The following KAT2A variants were observed in gnomAD, a reference collection of about 807,000 sequenced individuals.
The protein encoded by KAT2A is lysine acetyltransferase 2A.
A neutral mutation model predicts 95.2 loss-of-function variants in KAT2A; 42 were observed. The ratio of observed to expected loss-of-function variants is 0.44; its 90% CI spans 0.34 to 0.57. The LOEUF (loss-of-function observed/expected upper bound fraction) is 0.57, where lower values mean the gene tolerates loss of function less well. KAT2A is among the 20% of genes least tolerant of loss of function. The probability of loss-of-function intolerance (pLI) is 0.01; values close to 1 mark genes in which losing one functional copy is unlikely to be tolerated. For synonymous variants in KAT2A, 449 were observed against 448.2 expected (o/e 1.00, Z -0.02); for missense variants, 784 against 1,126.3 (o/e 0.70, Z 4.35).
rs782371879 is a variant in KAT2A at position 42,114,642 on chromosome 17, CCAA to C, written c.2020-41_2020-39del. 18 of 1,556,494 alleles carry C rather than the reference CCAA, an allele frequency of 1.2e-5. No individual in the cohort carries two copies. Among genetic ancestry groups the C allele is most frequent in the East Asian group, 9.0e-5 (4 of 44,582 alleles). On this transcript the variant is annotated intron_variant, in intron 13 of 17. Coordinates refer to ENST00000225916, the MANE Select transcript of KAT2A (RefSeq NM_021078.3). This position sits in a 1 kb window ranked among gnomAD's most constrained non-coding sequence, Gnocchi z 6.0. ...AGGGACTGAGGGGCCAACTCCAGCC[CCAA>C]CAACAACCCCTCCCAGGGCCACAGT...
Position 42,119,440 on chromosome 17 carries a change from G to A in KAT2A, c.882-4C>T. On this transcript the variant is annotated splice_region_variant and splice_polypyrimidine_tract_variant and intron_variant, in intron 5 of 17. Transcript: ENST00000225916. This position sits in a 1 kb window ranked among gnomAD's most constrained non-coding sequence, Gnocchi z 5.3. ...CACGTGGCAGTAACAGAGCCATCTG[G>A]AGTAGGGGGTCGAGGGGGAGACAGG... 6.2e-7 allele frequency: 1 copy of A among 1,606,180 alleles called. No individual in the cohort carries two copies. Among genetic ancestry groups the A allele is most frequent in the Non-Finnish European group, 8.5e-7 (1 of 1,173,918 alleles).
chr17:42,116,911 GAACGGGCCGCTAACTAAGAGAAGAGC>G lies in KAT2A; in HGVS notation c.1764+98_1764+123del, dbSNP rs1439197484. Reference sequence around the variant, plus strand: ...GGCTGCCACCTTGTGGGGATGTGAGGAACGGGCCGCTAACTAAGAGAAGAGCAACGGGCTGCTGCATGCCACACATC... The same window carrying G: ...GGCTGCCACCTTGTGGGGATGTGAGGAACGGGCTGCTGCATGCCACACATC... On this transcript the variant is annotated intron_variant, in intron 11 of 17. Coordinates refer to ENST00000225916, the MANE Select transcript of KAT2A (RefSeq NM_021078.3). The G allele has an allele frequency of 2.5e-6, 3 of 1,202,596 alleles. No homozygotes were observed. The Admixed American group carries it at 5.8e-5, about 23-fold the overall frequency. The allele number at this position is 1,202,596 out of a possible 1,614,324, so 74.5% of individuals were successfully genotyped here.
chr17:42,120,560 C>T, intron 2 of KAT2A, 146 bp downstream of exon 2: 3 of 1,240,400 alleles, frequency 2.4e-6, no homozygotes, highest in Non-Finnish European at 2.3e-6. Flanking sequence ...TTCCTTTCTC[C>T]CCCCTTGGTG....
intron 17 of KAT2A, 58 bp downstream of exon 17, chr17:42,113,942 G>A (rs984512459): frequency 2.6e-4 from 388 of 1,479,648 alleles, no homozygotes; most frequent in Non-Finnish European, 3.2e-4. Context: ...CGCAGTGAGG[G>A]CAGGAGCAGG....
rs1181679439 is a variant in KAT2A at position 42,114,798 on chromosome 17, T to C, written c.2019+94A>G. The C allele has an allele frequency of 4.4e-6, 6 of 1,360,590 alleles. No individual in the cohort carries two copies. The highest frequency in any genetic ancestry group is 2.9e-5 in the African/African-American group (2 of 70,070). 84.3% of individuals were successfully genotyped at this position (1,360,590 alleles called of 1,614,324 possible). On this transcript the variant is annotated intron_variant, in intron 13 of 17. Coordinates refer to ENST00000225916, the MANE Select transcript of KAT2A (RefSeq NM_021078.3). This position sits in a 1 kb window ranked among gnomAD's most constrained non-coding sequence, Gnocchi z 6.0. Reference sequence around the variant, plus strand: ...GCCCCTCCTCACTCACACACATATATGCATGTAGACGTAGAACAGGTCTAC... The same window carrying C: ...GCCCCTCCTCACTCACACACATATACGCATGTAGACGTAGAACAGGTCTAC...
chr17:42,114,609 GGGAA>G lies in KAT2A; in HGVS notation c.2020-9_2020-6del, dbSNP rs1387867906. The G allele has an allele frequency of 6.2e-7, 1 of 1,611,110 alleles. No homozygotes were observed. The highest frequency in any genetic ancestry group is 1.3e-5 in the African/African-American group (1 of 74,832). On this transcript the variant is annotated splice_region_variant and splice_polypyrimidine_tract_variant and intron_variant, in intron 13 of 17. Transcript: ENST00000225916. This position sits in a 1 kb window ranked among gnomAD's most constrained non-coding sequence, Gnocchi z 6.0. ...CTCAATCAGCTTCTTGATGATCTGA[GGGAA>G]GGAAGGGACTGAGGGGCCAACTCCA... is the stretch of plus-strand genomic sequence containing the variant.
chr17:42,117,572 C>G lies in KAT2A; in HGVS notation c.1453G>C (p.Ala485Pro). The stretch of plus-strand genomic sequence containing the variant: ...TCCAGGCGGGCTGTCTCATCCCGGG[C>G]CGCATTGGCCGAAAGCAGGCTCGTC... ...PETSLLSANA[A>P]RDETARLEER... The change falls in exon 10 of 18, where the codon GCC (alanine) becomes CCC (proline). Residue 485 changes from alanine (A) to proline (P), a missense_variant. Transcript: ENST00000225916. This position sits in a 1 kb window ranked among gnomAD's most constrained non-coding sequence, Gnocchi z 8.9. 6.2e-7 allele frequency: 1 copy of G among 1,612,952 alleles called. No homozygotes were observed. Among genetic ancestry groups the G allele is most frequent in the Non-Finnish European group, 8.5e-7 (1 of 1,179,824 alleles).
In KAT2A at chr17:42,117,536, C is replaced by T. The variant is rs1174813919; in HGVS notation, c.1489G>A (p.Gly497Ser). 3.7e-6 allele frequency: 6 copies of T among 1,613,318 alleles called. No homozygotes were observed. The highest frequency in any genetic ancestry group is 2.5e-6 in the Non-Finnish European group (3 of 1,180,042). The stretch of plus-strand genomic sequence containing the variant: ...CCGATGACATGGAACTCGATGATGC[C>T]GCGGCGCTCCTCCAGGCGGGCTGTC... Reference protein sequence around the residue: ...DETARLEERRGIIEFHVIGNS... With the variant: ...DETARLEERRSIIEFHVIGNS... Residue 497 changes from glycine (G) to serine (S), a missense_variant, in exon 10 of 18, where the codon GGC becomes AGC. By Grantham distance (56) the Gly-to-Ser change is moderately conservative. Coordinates refer to ENST00000225916, the MANE Select transcript of KAT2A (RefSeq NM_021078.3). This position sits in a 1 kb window ranked among gnomAD's most constrained non-coding sequence, Gnocchi z 8.9.
rs1375282491 is a variant in KAT2A at position 42,114,848 on chromosome 17, C to T, written c.2019+44G>A. The T allele has an allele frequency of 5.0e-6, 8 of 1,605,702 alleles. No homozygotes were observed. The highest frequency in any genetic ancestry group is 1.1e-5 in the South Asian group (1 of 90,604). On this transcript the variant is annotated intron_variant, in intron 13 of 17. Coordinates refer to ENST00000225916, the MANE Select transcript of KAT2A (RefSeq NM_021078.3). The surrounding 1 kb of genome is among the most constrained non-coding windows in gnomAD (Gnocchi z 6.0). ...CACACGTGTGCTCGCCCTCTGCATG[C>T]CCATTCATGAAAAATCCCACAGATG...
At position 42,115,002 on chromosome 17, in the gene KAT2A, G is replaced by A. The variant is rs1834634743; in HGVS notation, c.1909C>T (p.Arg637Cys). ...TAGTCCTTGATGTAGCCCAGGTAGC[G>A]GCTCTTGGGCACCTTGATGTCCTTG... ...FSKDIKVPKSRYLGYIKDYEG... is the reference protein window; with the variant it reads ...FSKDIKVPKSCYLGYIKDYEG... The change falls in exon 13 of 18, where the codon CGC (arginine) becomes TGC (cysteine). Residue 637 changes from arginine (R) to cysteine (C), a missense_variant. Physicochemically the swap from Arg to Cys is radical, Grantham distance 180. Around this residue, in one of 6 missense-constraint regions of KAT2A, gnomAD observed 174 missense variants for 324.9 expected, o/e 0.54. Transcript: ENST00000225916. The A allele has an allele frequency of 6.8e-6, 11 of 1,613,982 alleles. No homozygotes were observed. The highest frequency in any genetic ancestry group is 9.3e-6 in the Non-Finnish European group (11 of 1,179,966).
rs2054323973 is a variant in KAT2A, at chr17:42,120,695, G to A, written c.463+11C>T. 3.1e-6 allele frequency: 5 copies of A among 1,613,790 alleles called. No homozygotes were observed. Among genetic ancestry groups the A allele is most frequent in the Non-Finnish European group, 4.2e-6 (5 of 1,180,028 alleles). ...ACCTGCCCCCAGCTCCAAGGGCGCT[G>A]CCTGCCTTACCCAAGGGGTGCTCAC... is the stretch of plus-strand genomic sequence containing the variant. On this transcript the variant is annotated intron_variant, in intron 2 of 17. Transcript: ENST00000225916.
chr17:42,114,211 C>T lies in KAT2A; in HGVS notation c.2235+8G>A. ...AGGGGCCCTGGAAAGGAAACCTGGTCTCCCCACCTTGATTTGGGCCAGCAG... is the reference window on the plus strand; with the variant it reads ...AGGGGCCCTGGAAAGGAAACCTGGTTTCCCCACCTTGATTTGGGCCAGCAG... On this transcript the variant is annotated splice_region_variant and intron_variant, in intron 16 of 17. Coordinates refer to ENST00000225916, the MANE Select transcript of KAT2A (RefSeq NM_021078.3). This position sits in a 1 kb window ranked among gnomAD's most constrained non-coding sequence, Gnocchi z 6.0. 1 of 1,592,794 alleles carries T rather than the reference C, an allele frequency of 6.3e-7. No individual in the cohort carries two copies. Among genetic ancestry groups the T allele is most frequent in the Non-Finnish European group, 8.6e-7 (1 of 1,168,730 alleles).
chr17:42,114,166 G>A lies in KAT2A; in HGVS notation c.2235+53C>T, dbSNP rs1373140387. 1 of 1,573,608 alleles carries A rather than the reference G, an allele frequency of 6.4e-7. No individual in the cohort carries two copies. The highest frequency in any genetic ancestry group is 2.2e-5 in the East Asian group (1 of 44,534). ...CACTACCCACCCCACACTGCATCAA[G>A]AGGCCACAGCCATTGGTGCAGGGGC... On this transcript the variant is annotated intron_variant, in intron 16 of 17. Transcript: ENST00000225916. This position sits in a 1 kb window ranked among gnomAD's most constrained non-coding sequence, Gnocchi z 6.0.
chr17:42,114,141 C>A lies in KAT2A; in HGVS notation c.2236-57G>T, dbSNP rs1328204422. On this transcript the variant is annotated intron_variant, in intron 16 of 17. Coordinates refer to ENST00000225916, the MANE Select transcript of KAT2A (RefSeq NM_021078.3). This position sits in a 1 kb window ranked among gnomAD's most constrained non-coding sequence, Gnocchi z 6.0. ...TGCTGCGCCCACGCCAGCCCGAGAC[C>A]ACTACCCACCCCACACTGCATCAAG... 2.5e-6 allele frequency: 4 copies of A among 1,575,444 alleles called. No homozygotes were observed. In the African/African-American group the frequency reaches 5.5e-5, roughly 22 times the overall value.
rs567296289 is a variant in KAT2A, at chr17:42,117,429, C to T, written c.1596G>A (p.Pro532=). 3.5e-5 allele frequency: 57 copies of T among 1,613,448 alleles called. No individual in the cohort carries two copies. Among genetic ancestry groups the T allele is most frequent in the Middle Eastern group, 1.7e-4 (1 of 5,986 alleles). ...GLQNVFSHQL[P]RMPKEYIARL... ...GGGCGATATACTCCTTAGGCATGCG[C>T]GGCAGCTGGTGGGAAAAGACATTCT... Residue 532 remains proline (P), a synonymous_variant, in exon 10 of 18, where the codon CCG becomes CCA. Coordinates refer to ENST00000225916, the MANE Select transcript of KAT2A (RefSeq NM_021078.3). The surrounding 1 kb of genome is among the most constrained non-coding windows in gnomAD (Gnocchi z 8.9).
At position 42,120,884 on chromosome 17, in the gene KAT2A, G is replaced by A. The variant is rs570976523; in HGVS notation, c.340-55C>T. On this transcript the variant is annotated intron_variant, in intron 1 of 17. Transcript: ENST00000225916. ...ATACCTCTGGGGCAAGAGCCGCTCC[G>A]CAGCCAGAGCTTTGACCCCATTCCC... is the stretch of plus-strand genomic sequence containing the variant. 6.4e-6 allele frequency: 10 copies of A among 1,567,680 alleles called. No individual in the cohort carries two copies. In the Admixed American group the frequency reaches 1.3e-4, roughly 20 times the overall value.
In KAT2A at chr17:42,114,146, C is replaced by A; in HGVS notation, c.2236-62G>T. 3 of 1,575,390 alleles carry A rather than the reference C, an allele frequency of 1.9e-6. No individual in the cohort carries two copies. In the South Asian group the frequency reaches 3.5e-5, roughly 18 times the overall value. ...CGCCCACGCCAGCCCGAGACCACTA[C>A]CCACCCCACACTGCATCAAGAGGCC... On this transcript the variant is annotated intron_variant, in intron 16 of 17. Transcript: ENST00000225916. This position sits in a 1 kb window ranked among gnomAD's most constrained non-coding sequence, Gnocchi z 6.0.
intron 12 of KAT2A, 89 bp downstream of exon 12, chr17:42,115,634 A>C (rs2054246974): frequency 1.2e-6 from 1 of 828,216 alleles, no homozygotes; most frequent in African/African-American, 1.7e-5. Flanking sequence ...GGGGACGCAA[A>C]GGGACTCCTA....
In KAT2A at chr17:42,119,932, A is replaced by T; in HGVS notation, c.699+98T>A. On this transcript the variant is annotated intron_variant, in intron 4 of 17. Coordinates refer to ENST00000225916, the MANE Select transcript of KAT2A (RefSeq NM_021078.3). This position sits in a 1 kb window ranked among gnomAD's most constrained non-coding sequence, Gnocchi z 5.3. ...CACCCTTCCTTCTCTGAACCTCCCC[A>T]GTGTTCTCAGCTTGAGGAGAATGGA... 1 of 1,193,232 alleles carries T rather than the reference A, an allele frequency of 8.4e-7. No homozygotes were observed. Among genetic ancestry groups the T allele is most frequent in the Non-Finnish European group, 1.2e-6 (1 of 805,512 alleles). 73.9% of individuals were successfully genotyped at this position (1,193,232 alleles called of 1,614,324 possible).
Sources: allele counts gnomAD v4.1 joint callset, GRCh38; gene constraint gnomAD v4.1.1; regional missense constraint gnomAD v4.1.1; non-coding constraint Gnocchi (gnomAD v3.1); transcripts MANE v1.5; gene names NCBI Gene and HGNC (gene_info 2026-07-23, HGNC 2026-07-21).